The following EXOC4 variants were observed in gnomAD, a reference collection of about 807,000 sequenced individuals.
EXOC4 encodes the protein exocyst complex component 4.
In EXOC4, 71 loss-of-function variants were observed where a neutral mutation model predicts 107.2. The ratio of observed to expected loss-of-function variants is 0.66; its 90% CI spans 0.55 to 0.81. EXOC4 has a LOEUF of 0.81. Among genes scored for constraint, EXOC4 ranks in the 30% least tolerant of loss-of-function variants. EXOC4 has a pLI of 0.00. For synonymous variants in EXOC4, 456 were observed against 441.2 expected, an observed-to-expected ratio of 1.03 and a Z score of -0.42; for missense variants, 1,108 against 1,189.6, an observed-to-expected ratio of 0.93 and a Z score of 1.01.
intron 7 of EXOC4, among the ~76,000 whole-genome samples, chr7:133,375,475 CA>C (rs539355529): frequency 4.0e-5 from 6 of 149,702 alleles, no homozygotes; most frequent in East Asian, 1.9e-4. Flanking sequence ...TCCGTCTAAA[CA>C]AAAAAAACCT....
chr7:133,652,249 C>T (rs565123573), intron 10 of EXOC4, among the ~76,000 whole-genome samples: 1 of 152,132 alleles, frequency 6.6e-6, no homozygotes, highest in Non-Finnish European at 1.5e-5. Context: ...ATTACTTTCA[C>T]ATGCAGCCTA....
intron 11 of EXOC4, among the ~76,000 whole-genome samples, chr7:133,844,661 T>A (rs1798089255): frequency 6.6e-6 from 1 of 152,128 alleles, no homozygotes; most frequent in African/African-American, 2.4e-5. Flanking sequence ...GCTCTGGGAT[T>A]ACAAGCCACA....
chr7:133,423,794 G>A (rs910029523), intron 7 of EXOC4, among the ~76,000 whole-genome samples: 4 of 152,168 alleles, frequency 2.6e-5, no homozygotes, highest in South Asian at 4.1e-4. Context: ...CCTTGTGGCC[G>A]GCACGGGATC....
intron 9 of EXOC4, among the ~76,000 whole-genome samples, chr7:133,561,457 T>C (rs145318339): frequency 2.6e-5 from 4 of 152,304 alleles, no homozygotes; most frequent in South Asian, 2.1e-4. Flanking sequence ...CTGGCACTTA[T>C]ACAGTGCGGA....
At chr7:133,678,311 A>G (rs760625432) in intron 10 of EXOC4, among the ~76,000 whole-genome samples, 10 of 152,192 alleles carry the variant, frequency 6.6e-5, no homozygotes, top group African/African-American at 9.7e-5. Context: ...GCATGGTTCA[A>G]TAATTCTCAA....
intron 9 of EXOC4, among the ~76,000 whole-genome samples, chr7:133,620,015 T>TG (rs1175068444): frequency 6.6e-6 from 1 of 151,182 alleles, no homozygotes; most frequent in East Asian, 2.0e-4. Flanking sequence ...TGTGTTTGTT[T>TG]TTTTTTGTTG....
At chr7:133,814,282 T>C (rs1053899214) in intron 10 of EXOC4, among the ~76,000 whole-genome samples, 1 of 152,192 alleles carries the variant, frequency 6.6e-6, no homozygotes, top group Non-Finnish European at 1.5e-5. Flanking sequence ...TAGATTGATC[T>C]GAGCTTGCTT....
At chr7:133,364,513 A>T (rs1166152659) in intron 6 of EXOC4, among the ~76,000 whole-genome samples, 3 of 152,138 alleles carry the variant, frequency 2.0e-5, no homozygotes, top group Non-Finnish European at 4.4e-5. Context: ...TATTATTTTC[A>T]GCACTACTCA....
chr7:133,835,205 A>G (rs901180859), intron 11 of EXOC4, among the ~76,000 whole-genome samples: 1 of 152,248 alleles, frequency 6.6e-6, no homozygotes, highest in Non-Finnish European at 1.5e-5. Flanking sequence ...AATTTATGTT[A>G]TAGTCATGAA....
intron 10 of EXOC4, among the ~76,000 whole-genome samples, chr7:133,710,249 T>G (rs1794856902): frequency 6.6e-6 from 1 of 152,168 alleles, no homozygotes; most frequent in Admixed American, 6.5e-5. Flanking sequence ...TCATGTGCCA[T>G]CCGGAGTCTT....
intron 11 of EXOC4, among the ~76,000 whole-genome samples, chr7:133,861,670 G>T (rs1201528961): frequency 6.6e-6 from 1 of 151,950 alleles, no homozygotes; most frequent in African/African-American, 2.4e-5. Flanking sequence ...AGTAGCTGGG[G>T]TTACAGGAGC....
chr7:133,575,486 T>G (rs1474736584), intron 9 of EXOC4, among the ~76,000 whole-genome samples: 1 of 152,178 alleles, frequency 6.6e-6, no homozygotes, highest in East Asian at 1.9e-4. Context: ...GGTGAAAACA[T>G]TTAATATATT....
chr7:133,927,655 TATA>T (rs1476008096), intron 13 of EXOC4, among the ~76,000 whole-genome samples: 2 of 152,186 alleles, frequency 1.3e-5, no homozygotes, highest in Admixed American at 1.3e-4. Context: ...ACTTTTAAAA[TATA>T]ATTATAAAAG....
At chr7:133,757,012 G>A (rs1213913896) in intron 10 of EXOC4, among the ~76,000 whole-genome samples, 2 of 152,040 alleles carry the variant, frequency 1.3e-5, no homozygotes, top group Non-Finnish European at 2.9e-5. Flanking sequence ...ATGTATTAAG[G>A]GATTGAATAT....
chr7:133,571,696 A>G (rs1329506268), intron 9 of EXOC4, among the ~76,000 whole-genome samples: 1 of 147,494 alleles, frequency 6.8e-6, no homozygotes, highest in Non-Finnish European at 1.5e-5. Flanking sequence ...AAAAAAAAAA[A>G]GATTAATTTT....
intron 10 of EXOC4, among the ~76,000 whole-genome samples, chr7:133,740,054 A>G (rs117494542): frequency 2.9e-3 from 439 of 152,296 alleles, no homozygotes; most frequent in Non-Finnish European, 4.6e-3. Flanking sequence ...TTCATCATCA[A>G]TTTATGGCAT....
intron 5 of EXOC4, among the ~76,000 whole-genome samples, chr7:133,338,599 C>CAAAAAA (rs35420911): frequency 2.5e-5 from 2 of 79,724 alleles, no homozygotes; most frequent in Admixed American, 1.9e-4. Context: ...GACTCCGTCT[C>CAAAAAA]AAAAAAAAAA....
chr7:133,607,227 G>A (rs1378945529), intron 9 of EXOC4, among the ~76,000 whole-genome samples: 2 of 152,166 alleles, frequency 1.3e-5, no homozygotes, highest in Admixed American at 1.3e-4. Flanking sequence ...ATTTTAAATG[G>A]TTTGTATAGT....
intron 13 of EXOC4, among the ~76,000 whole-genome samples, chr7:133,923,112 G>A (rs1416185167): frequency 1.3e-5 from 2 of 150,192 alleles, no homozygotes; most frequent in East Asian, 2.0e-4. Context: ...TTCCAAAGTG[G>A]TGGTAAGAGT....
Sources: allele counts gnomAD v4.1 joint callset (sites outside exome capture counted in the v4.1 genomes callset), GRCh38; gene constraint gnomAD v4.1.1; transcripts MANE v1.5; gene names NCBI Gene and HGNC (gene_info 2026-07-23, HGNC 2026-07-21).